Variants in LRFN5 observed in about 807,000 individuals in gnomAD.
LRFN5 encodes leucine-rich repeat and fibronectin type-III domain-containing protein 5.
In LRFN5, 24 loss-of-function variants were observed where a neutral mutation model predicts 45.6. That is an observed-to-expected ratio of 0.53 (90% confidence interval 0.38 to 0.74). The LOEUF (loss-of-function observed/expected upper bound fraction) is 0.74. Among genes scored for constraint, LRFN5 ranks in the 30% least tolerant of loss-of-function variants. The pLI, the probability that LRFN5 is intolerant of heterozygous loss-of-function variation, is 0.00. For synonymous variants in LRFN5, 340 were observed against 313.8 expected (o/e 1.08, Z -0.88); for missense variants, 776 against 861.5 (o/e 0.90, Z 1.24).
rs143389977 is a variant in LRFN5 at position 41,719,774 on chromosome 14, C to G, written c.-196-47080C>G. Among the ~76,000 whole-genome samples the G allele has an allele frequency of 2.6e-5, 4 of 151,714 alleles. No homozygotes were observed. In the East Asian group the frequency reaches 7.8e-4, roughly 29 times the overall value. On this transcript the variant is annotated intron_variant, in intron 1 of 5. Coordinates refer to ENST00000298119, the MANE Select transcript of LRFN5 (RefSeq NM_152447.5). ...ATATATATATATCTGAACTCACTCT[C>G]CATATATATATATATTTCCCTTTGG...
intron 2 of LRFN5, among the ~76,000 whole-genome samples, chr14:41,774,577 G>C (rs1450900130): frequency 1.3e-5 from 2 of 152,158 alleles, no homozygotes; most frequent in South Asian, 2.1e-4. Context: ...ATTTAATGTT[G>C]AAACTACATG....
intron 1 of LRFN5, among the ~76,000 whole-genome samples, chr14:41,734,315 T>TC (rs1188496222): frequency 3.6e-5 from 3 of 84,410 alleles, no homozygotes; most frequent in Non-Finnish European, 6.3e-5. Context: ...CTGGACTGGT[T>TC]TTATATATAT....
intron 1 of LRFN5, among the ~76,000 whole-genome samples, chr14:41,684,716 T>C (rs1298709539): frequency 6.6e-6 from 1 of 151,912 alleles, no homozygotes; most frequent in Non-Finnish European, 1.5e-5. Context: ...ACTAGTAAAA[T>C]AAAACTGTAG....
chr14:41,675,087 C>T (rs1279617444), intron 1 of LRFN5, among the ~76,000 whole-genome samples: 3 of 151,454 alleles, frequency 2.0e-5, no homozygotes, highest in African/African-American at 7.3e-5. Flanking sequence ...GATGGGATGG[C>T]GGCGGGGCAG....
At chr14:41,765,938 CTA>C (rs1885868232) in intron 1 of LRFN5, among the ~76,000 whole-genome samples, 1 of 152,042 alleles carries the variant, frequency 6.6e-6, no homozygotes, top group Non-Finnish European at 1.5e-5. Flanking sequence ...AATTTTGACT[CTA>C]TAAGATCATT....
At chr14:41,680,290 G>A (rs1231700322) in intron 1 of LRFN5, among the ~76,000 whole-genome samples, 1 of 152,152 alleles carries the variant, frequency 6.6e-6, no homozygotes, top group Non-Finnish European at 1.5e-5. Flanking sequence ...CCACGCATTG[G>A]TTACTCTAGC....
intron 2 of LRFN5, among the ~76,000 whole-genome samples, chr14:41,819,089 T>C (rs911369354): frequency 1.3e-5 from 2 of 152,194 alleles, no homozygotes; most frequent in Admixed American, 1.3e-4. Context: ...TGTATATCCA[T>C]ATAGTATTCC....
At chr14:41,632,842 T>C (rs543744304) in intron 1 of LRFN5, among the ~76,000 whole-genome samples, 1 of 152,318 alleles carries the variant, frequency 6.6e-6, no homozygotes, top group Admixed American at 6.5e-5. Context: ...GTATGATTTT[T>C]CTTCTACTTA....
At chr14:41,747,805 T>G (rs1884981953) in intron 1 of LRFN5, among the ~76,000 whole-genome samples, 1 of 151,956 alleles carries the variant, frequency 6.6e-6, no homozygotes, top group Non-Finnish European at 1.5e-5. Flanking sequence ...AGAGAACTCC[T>G]AAAACTCAAC....
chr14:41,763,812 C>A (rs548178166), intron 1 of LRFN5, among the ~76,000 whole-genome samples: 2 of 152,108 alleles, frequency 1.3e-5, no homozygotes, highest in African/African-American at 4.8e-5. Flanking sequence ...TATAAATTAC[C>A]CAGCCTCAGT....
intron 1 of LRFN5, among the ~76,000 whole-genome samples, chr14:41,618,029 C>A (rs900447808): frequency 6.6e-6 from 1 of 152,216 alleles, no homozygotes; most frequent in Middle Eastern, 3.4e-3. Flanking sequence ...ACTCCTGTTA[C>A]CTCTTCCGTT....
chr14:41,768,538 A>G (rs879843603), intron 2 of LRFN5, among the ~76,000 whole-genome samples: 2 of 152,060 alleles, frequency 1.3e-5, no homozygotes, highest in African/African-American at 2.4e-5. Flanking sequence ...ATTTCCATTA[A>G]ATAAAACAAC....
At chr14:41,754,847 T>C (rs570549576) in intron 1 of LRFN5, among the ~76,000 whole-genome samples, 8 of 152,322 alleles carry the variant, frequency 5.3e-5, no homozygotes, top group Non-Finnish European at 8.8e-5. Context: ...GTTCTTTTAA[T>C]TGTGATGTTA....
intron 2 of LRFN5, among the ~76,000 whole-genome samples, chr14:41,870,134 T>C (rs756005802): frequency 6.6e-6 from 1 of 152,116 alleles, no homozygotes; most frequent in Non-Finnish European, 1.5e-5. Context: ...GAGTTTTCAT[T>C]TGGAGGCTTA....
Position 41,688,839 on chromosome 14 carries a change from A to T in LRFN5, c.-196-78015A>T, listed in dbSNP as rs188447248. On this transcript the variant is annotated intron_variant, in intron 1 of 5. Coordinates refer to ENST00000298119, the MANE Select transcript of LRFN5 (RefSeq NM_152447.5). Reference sequence around the variant, plus strand: ...GAAATCTCAGCACTGTCAGTGACCGAGGCAGAAGGATCTCTTGAGGCCAGC... The same window carrying T: ...GAAATCTCAGCACTGTCAGTGACCGTGGCAGAAGGATCTCTTGAGGCCAGC... 5.3e-5 allele frequency among the ~76,000 whole-genome samples: 8 copies of T among 150,908 alleles called. No individual in the cohort carries two copies. In the East Asian group the frequency reaches 1.4e-3, roughly 26 times the overall value.
chr14:41,881,356 A>T (rs1289930283), intron 2 of LRFN5, among the ~76,000 whole-genome samples: 1 of 151,838 alleles, frequency 6.6e-6, no homozygotes, highest in Non-Finnish European at 1.5e-5. Flanking sequence ...TTTTAAATAT[A>T]TTATTTCATT....
chr14:41,621,447 G>C (rs1019420055), intron 1 of LRFN5, among the ~76,000 whole-genome samples: 3 of 152,080 alleles, frequency 2.0e-5, no homozygotes, highest in African/African-American at 7.2e-5. Context: ...TTGAAGATAT[G>C]CTTTGCCATT....
intron 5 of LRFN5, among the ~76,000 whole-genome samples, chr14:41,902,866 A>G (rs564164867): frequency 1.5e-4 from 22 of 151,636 alleles, no homozygotes; most frequent in Non-Finnish European, 1.2e-4. Flanking sequence ...TTGATTTTCA[A>G]TTTTACCAAT....
At chr14:41,655,438 C>G (rs1216055100) in intron 1 of LRFN5, among the ~76,000 whole-genome samples, 1 of 151,934 alleles carries the variant, frequency 6.6e-6, no homozygotes, top group Non-Finnish European at 1.5e-5. Context: ...TGATTTAGGA[C>G]AAGCAGCTAG....
Sources: gnomAD v4.1 joint callset for allele counts (sites outside exome capture counted in the v4.1 genomes callset) on GRCh38, gnomAD v4.1.1 for gene constraint, MANE v1.5 for transcripts, NCBI Gene and HGNC (gene_info 2026-07-23, HGNC 2026-07-21) for gene names.